Variants in PIWIL2 observed in about 807,000 individuals in gnomAD.
PIWIL2 encodes piwi like RNA-mediated gene silencing 2, also known as piwi-like protein 2.
PIWIL2 carries 81 observed loss-of-function variants against 116.5 expected under a neutral mutation model. The observed-to-expected ratio is 0.70, with a 90% confidence interval of 0.58 to 0.84. PIWIL2 has a LOEUF of 0.84. Among genes scored for constraint, PIWIL2 ranks in the 40% least tolerant of loss-of-function variants. The pLI is 0.00. For missense variants in PIWIL2, 1,272 were observed against 1,212.3 expected, an observed-to-expected ratio of 1.05 and a Z score of -0.73; for synonymous variants, 489 against 429.5, an observed-to-expected ratio of 1.14 and a Z score of -1.71.
At chr8:22,294,211 G>A (rs528237386) in intron 10 of PIWIL2, among the ~76,000 whole-genome samples, 84 of 151,424 alleles carry the variant, frequency 5.5e-4, no homozygotes, top group African/African-American at 2.0e-3. Context: ...GGTGGCACAC[G>A]CCTGTAATTC....
intron 20 of PIWIL2, among the ~76,000 whole-genome samples, chr8:22,323,388 C>T (rs190575471): frequency 6.0e-4 from 91 of 152,134 alleles, no homozygotes; most frequent in African/African-American, 2.0e-3. Context: ...CCTCGTGATC[C>T]GCCGGCCTCA....
chr8:22,354,114 A>G (rs1489012496), intron 21 of PIWIL2, among the ~76,000 whole-genome samples, 157 bp from the exon 22 acceptor site: 1 of 151,756 alleles, frequency 6.6e-6, no homozygotes, highest in Admixed American at 6.6e-5. Flanking sequence ...GAGTCAGGAG[A>G]CCTGGGTTCT....
chr8:22,310,881 CTGT>C (rs1324455642), intron 15 of PIWIL2, among the ~76,000 whole-genome samples: 1 of 152,148 alleles, frequency 6.6e-6, no homozygotes, highest in Admixed American at 6.5e-5. Flanking sequence ...GAGTTTCATC[CTGT>C]TGTTAGGCAT....
intron 12 of PIWIL2, among the ~76,000 whole-genome samples, 169 bp downstream of exon 12, chr8:22,305,037 C>A (rs557581091): frequency 6.6e-6 from 1 of 152,242 alleles, no homozygotes; most frequent in East Asian, 1.9e-4. Context: ...ACCACTCACA[C>A]TGGTAAGATC....
intron 4 of PIWIL2, among the ~76,000 whole-genome samples, chr8:22,282,399 G>T (rs1443189442): frequency 6.6e-6 from 1 of 151,902 alleles, no homozygotes; most frequent in Non-Finnish European, 1.5e-5. Flanking sequence ...TATTAGCCAG[G>T]TTGGTCTCAA....
rs547824993 is a variant in PIWIL2, at chr8:22,319,330, G to A, written c.2403+1055G>A. The stretch of plus-strand genomic sequence containing the variant: ...TTTTTTTAAAGTCTGTCTCCAGCAA[G>A]GTCCATATGTTATGCTACTGAGTCA... On this transcript the variant is annotated intron_variant, in intron 20 of 22. Transcript: ENST00000356766. Among the ~76,000 whole-genome samples, 5 of 152,194 alleles carry A rather than the reference G, an allele frequency of 3.3e-5. 1 individual carries two copies. Among genetic ancestry groups the A allele is most frequent in the African/African-American group, 1.2e-4 (5 of 41,548 alleles).
At chr8:22,282,074 CTTTTTTTTT>C (rs397963368) in intron 4 of PIWIL2, among the ~76,000 whole-genome samples, 1 of 88,820 alleles carries the variant, frequency 1.1e-5, no homozygotes, top group Non-Finnish European at 2.0e-5. Flanking sequence ...TGTGCGTGGA[CTTTTTTTTT>C]TTTTTTTTTT....
At chr8:22,324,824 A>G (rs1354338185) in intron 20 of PIWIL2, among the ~76,000 whole-genome samples, 1 of 152,208 alleles carries the variant, frequency 6.6e-6, no homozygotes, top group African/African-American at 2.4e-5. Flanking sequence ...GCAGACACAC[A>G]TAGACGGAAA....
At chr8:22,336,053 A>C (rs1831974967) in intron 20 of PIWIL2, among the ~76,000 whole-genome samples, 1 of 152,202 alleles carries the variant, frequency 6.6e-6, no homozygotes, top group South Asian at 2.1e-4. Flanking sequence ...CAATAGTTTG[A>C]GACTTCAAAA....
chr8:22,291,155 C>G (rs1830757701), intron 10 of PIWIL2, among the ~76,000 whole-genome samples: 1 of 144,154 alleles, frequency 6.9e-6, no homozygotes, highest in Non-Finnish European at 1.5e-5. Flanking sequence ...CTTTTCTTTT[C>G]TTTTTTTTTT....
intron 16 of PIWIL2, among the ~76,000 whole-genome samples, chr8:22,313,509 A>G (rs1390702272): frequency 6.6e-6 from 1 of 152,250 alleles, no homozygotes; most frequent in Non-Finnish European, 1.5e-5. Flanking sequence ...TGCTGTGTCC[A>G]GTCCATAGGC....
rs1414805861 is a variant in PIWIL2, at chr8:22,290,296, A to G, written c.1131A>G (p.Leu377=). 1 of 1,612,682 alleles carries G rather than the reference A, an allele frequency of 6.2e-7. No individual in the cohort carries two copies. The highest frequency in any genetic ancestry group is 8.5e-7 in the Non-Finnish European group (1 of 1,178,754). Residue 377 remains leucine, a synonymous_variant, in exon 10 of 23, where the codon CTA becomes CTG. Transcript: ENST00000356766. ...GGACAGATGGAGGGCTCTTCCTGCT[A>G]GCTGATGTCTCCCATAAGGTCATTC... ...IRRTDGGLFL[L]ADVSHKVIRN...
intron 5 of PIWIL2, 72 bp downstream of exon 5, chr8:22,283,312 A>G: frequency 2.4e-6 from 3 of 1,236,102 alleles, no homozygotes; most frequent in South Asian, 2.5e-5. Context: ...CGTGTGTAGT[A>G]TTGTAAAATC....
intron 20 of PIWIL2, among the ~76,000 whole-genome samples, chr8:22,335,571 G>A (rs187372957): frequency 0.01 from 1,264 of 123,074 alleles, 21 homozygotes; most frequent in Middle Eastern, 0.085. Flanking sequence ...TTTTTGAGAC[G>A]CAGTCTTGCT....
chr8:22,277,043 T>C lies in PIWIL2; in HGVS notation c.-47+1645T>C, dbSNP rs969384298. Among the ~76,000 whole-genome samples the C allele has an allele frequency of 3.3e-5, 5 of 150,808 alleles. No individual in the cohort carries two copies. In the Admixed American group the frequency reaches 3.3e-4, roughly 10 times the overall value. Reference sequence around the variant, plus strand: ...GATATATATATATATATTTTTTTTTTTGAGACAGAATCTTGTGCTGTCACC... The same window carrying C: ...GATATATATATATATATTTTTTTTTCTGAGACAGAATCTTGTGCTGTCACC... On this transcript the variant is annotated intron_variant, in intron 1 of 22. Transcript: ENST00000356766.
chr8:22,296,056 T>TTTGTTG (rs1554499137), intron 10 of PIWIL2, among the ~76,000 whole-genome samples: 1,385 of 117,728 alleles, frequency 0.012, 10 homozygotes, highest in Non-Finnish European at 0.018. Flanking sequence ...TTTTTTTTTT[T>TTTGTTG]TTGTTGTTGT....
chr8:22,288,897 C>T (rs1441094986), intron 8 of PIWIL2, among the ~76,000 whole-genome samples: 4 of 152,116 alleles, frequency 2.6e-5, no homozygotes, highest in East Asian at 3.9e-4. Context: ...GATAGGGGAA[C>T]GGGTTCCTCC....
chr8:22,348,098 C>T (rs574040125), intron 20 of PIWIL2, among the ~76,000 whole-genome samples: 6 of 151,946 alleles, frequency 3.9e-5, no homozygotes, highest in South Asian at 2.1e-4. Context: ...GTCAGGAGTT[C>T]GAGACAAGCC....
chr8:22,309,888 T>C (rs977776581), intron 14 of PIWIL2, 73 bp from the exon 15 acceptor site: 2 of 843,812 alleles, frequency 2.4e-6, no homozygotes, highest in African/African-American at 1.7e-5. Context: ...GCAGGCCTTA[T>C]AGAGCAGTAG....
Sources: allele counts gnomAD v4.1 joint callset (sites outside exome capture counted in the v4.1 genomes callset), GRCh38; gene constraint gnomAD v4.1.1; transcripts MANE v1.5; gene names NCBI Gene and HGNC (gene_info 2026-07-23, HGNC 2026-07-21).